CRYZL1: variants seen among roughly 807,000 people sequenced by gnomAD.
CRYZL1 encodes the protein ferry endosomal RAB5 effector complex subunit 4.
Under a neutral mutation model 50.6 loss-of-function variants are expected in CRYZL1, and 34 were observed. The ratio of observed to expected loss-of-function variants is 0.67; its 90% confidence interval spans 0.51 to 0.89. The LOEUF is 0.89. Ranked by LOEUF, CRYZL1 falls within the 40% of genes least tolerant of loss-of-function variation. The probability of loss-of-function intolerance (pLI) is 0.00; values close to 1 mark genes in which losing one functional copy is unlikely to be tolerated. For synonymous variants in CRYZL1, 125 were observed against 134.3 expected (o/e 0.93, Z 0.48); for missense variants, 354 against 402.3 (o/e 0.88, Z 1.03).
In CRYZL1 at chr21:33,640,228, G is replaced by A. The variant is rs200414179; in HGVS notation, c.-7+1453C>T. On this transcript the variant is annotated intron_variant, in intron 1 of 12. Coordinates refer to ENST00000381554, the MANE Select transcript of CRYZL1 (RefSeq NM_145858.3). Reference sequence around the variant, plus strand: ...TAGTTAATCTTAGAAATATTTCATTGCACAAGGCTGGCAGCTTTATCTTGT... The same window carrying A: ...TAGTTAATCTTAGAAATATTTCATTACACAAGGCTGGCAGCTTTATCTTGT... 1.8e-3 allele frequency: 2,730 copies of A among 1,545,406 alleles called. 4 individuals are homozygous for A. The highest frequency in any genetic ancestry group is 2.2e-3 in the Non-Finnish European group (2,569 of 1,145,302).
In CRYZL1 at chr21:33,600,923, G is replaced by A. The variant is rs866804312; in HGVS notation, c.577+1311C>T. 2.5e-4 allele frequency among the ~76,000 whole-genome samples: 11 copies of A among 43,290 alleles called. 1 individual carries two copies. Among genetic ancestry groups the A allele is most frequent in the Middle Eastern group, 0.053 (2 of 38 alleles). The allele number at this position is 43,290 out of a possible 152,430, so 28.4% of individuals were successfully genotyped here. ...ATTATAGGTATGAGCCACTGTGCCC[G>A]GTCCATAAAGTTTTTTTTTTTTTTT... On this transcript the variant is annotated intron_variant, in intron 8 of 12. Coordinates refer to ENST00000381554, the MANE Select transcript of CRYZL1 (RefSeq NM_145858.3).
intron 7 of CRYZL1, among the ~76,000 whole-genome samples, chr21:33,602,858 G>A (rs1163002925): frequency 1.3e-5 from 2 of 152,204 alleles, no homozygotes; most frequent in African/African-American, 4.8e-5. Context: ...AGAAAAGCAG[G>A]AAGAAAGCAT....
chr21:33,640,925 C>A (rs1035104374), intron 1 of CRYZL1, among the ~76,000 whole-genome samples: 6 of 152,044 alleles, frequency 3.9e-5, no homozygotes, highest in Non-Finnish European at 7.4e-5. Flanking sequence ...TTTGTTTAAG[C>A]GTTGAAATGA....
chr21:33,593,169 C>T (rs1048423303), intron 11 of CRYZL1, among the ~76,000 whole-genome samples: 7 of 151,970 alleles, frequency 4.6e-5, no homozygotes, highest in African/African-American at 1.5e-4. Context: ...TGCAGTGGCA[C>T]GACCTCGGCT....
intron 10 of CRYZL1, chr21:33,596,345 A>G (rs1470163932): frequency 3.0e-6 from 1 of 335,060 alleles, no homozygotes; most frequent in African/African-American, 2.2e-5. Flanking sequence ...CTGAAATACT[A>G]TTAAAAATTC....
At chr21:33,641,142 C>T (rs2145974732) in intron 1 of CRYZL1, 1 of 1,548,678 alleles carries the variant, frequency 6.5e-7, no homozygotes, top group South Asian at 1.2e-5. Flanking sequence ...CGCAGATGTT[C>T]GGCCCCGACC....
chr21:33,641,335 A>ACACTCAAAT, intron 1 of CRYZL1: 1 of 1,535,506 alleles, frequency 6.5e-7, no homozygotes, highest in Non-Finnish European at 8.8e-7. Context: ...AAAGAAAAAG[A>ACACTCAAAT]CACTCAAATT....
chr21:33,613,589 A>C lies in CRYZL1; in HGVS notation c.280T>G (p.Ser94Ala), dbSNP rs1196401842. Residue 94 changes from serine (S) to alanine (A), a missense_variant, in exon 6 of 13, where the codon TCT becomes GCT. Ser to Ala is a moderately conservative substitution (Grantham distance 99). Transcript: ENST00000381554. ...ACTTCACAAAGTCCAGGGTCTTCAGAGTCCAGGGGCAAAATTCCTAAAAAT... is the reference window on the plus strand; with the variant it reads ...ACTTCACAAAGTCCAGGGTCTTCAGCGTCCAGGGGCAAAATTCCTAAAAAT... Reference protein sequence around the residue: ...DEVVGILPLDSEDPGLCEVVR... With the variant: ...DEVVGILPLDAEDPGLCEVVR... 1.2e-6 allele frequency: 2 copies of C among 1,612,872 alleles called. No individual in the cohort carries two copies. The highest frequency in any genetic ancestry group is 1.7e-6 in the Non-Finnish European group (2 of 1,178,984).
intron 6 of CRYZL1, among the ~76,000 whole-genome samples, chr21:33,606,551 A>G (rs2051386): frequency 0.71 from 107,009 of 151,524 alleles, 37,890 homozygotes; most frequent in African/African-American, 0.77. Flanking sequence ...GCTTGAACCC[A>G]GGAGATGGAG....
At chr21:33,612,883 G>A (rs2086888835) in intron 6 of CRYZL1, among the ~76,000 whole-genome samples, 1 of 152,076 alleles carries the variant, frequency 6.6e-6, no homozygotes, top group Non-Finnish European at 1.5e-5. Context: ...CACCCAGGCT[G>A]TAGTGCAGTG....
intron 5 of CRYZL1, among the ~76,000 whole-genome samples, chr21:33,613,921 C>T (rs951476935): frequency 6.6e-6 from 1 of 152,128 alleles, no homozygotes; most frequent in Non-Finnish European, 1.5e-5. Context: ...GCCTGTAATC[C>T]CAGCACTTTG....
At chr21:33,601,885 T>C (rs2086760043) in intron 8 of CRYZL1, among the ~76,000 whole-genome samples, 1 of 145,090 alleles carries the variant, frequency 6.9e-6, no homozygotes, top group Non-Finnish European at 1.5e-5. Flanking sequence ...GCCATTGTAC[T>C]CCAGCTGGGT....
chr21:33,600,607 C>CT (rs1202144155), intron 8 of CRYZL1, among the ~76,000 whole-genome samples: 2 of 149,346 alleles, frequency 1.3e-5, no homozygotes, highest in African/African-American at 2.5e-5. Flanking sequence ...CGTTCATGTT[C>CT]TTTTTTTTAA....
intron 4 of CRYZL1, among the ~76,000 whole-genome samples, chr21:33,620,984 C>CA (rs1340246712): frequency 0.028 from 1 of 36 alleles, no homozygotes; most frequent in African/African-American, 0.083. Context: ...CGGCTCACTG[C>CA]AGCTCCGCCC....
intron 6 of CRYZL1, among the ~76,000 whole-genome samples, chr21:33,606,672 G>A (rs1361146311): frequency 1.3e-5 from 2 of 151,862 alleles, no homozygotes; most frequent in Admixed American, 6.6e-5. Context: ...CAACACACTT[G>A]CTTTTGTGTT....
At chr21:33,606,638 G>T (rs1439192222) in intron 6 of CRYZL1, among the ~76,000 whole-genome samples, 2 of 151,676 alleles carry the variant, frequency 1.3e-5, no homozygotes, top group Non-Finnish European at 2.9e-5. Flanking sequence ...AAAAAAAATT[G>T]CATGGTTAGA....
At chr21:33,610,527 C>G (rs1323978515) in intron 6 of CRYZL1, among the ~76,000 whole-genome samples, 1 of 152,102 alleles carries the variant, frequency 6.6e-6, no homozygotes, top group Non-Finnish European at 1.5e-5. Context: ...TCTCTATATA[C>G]TTTAATGGAT....
intron 1 of CRYZL1, 59 bp from the exon 2 acceptor site, chr21:33,631,616 C>A: frequency 4.3e-6 from 5 of 1,149,790 alleles, no homozygotes. Flanking sequence ...TAAATGTAAG[C>A]AAAAATGGAA....
intron 1 of CRYZL1, among the ~76,000 whole-genome samples, chr21:33,640,485 A>G (rs1426812694): frequency 1.3e-5 from 2 of 152,090 alleles, no homozygotes; most frequent in Admixed American, 6.5e-5. Flanking sequence ...GAGATCCCAT[A>G]TCTTAGATAA....
Sources: gnomAD v4.1 joint callset for allele counts (sites outside exome capture counted in the v4.1 genomes callset) on GRCh38, gnomAD v4.1.1 for gene constraint, MANE v1.5 for transcripts, NCBI Gene and HGNC (gene_info 2026-07-23, HGNC 2026-07-21) for gene names.